ANKS1B: variants seen among roughly 807,000 people sequenced by gnomAD.
ANKS1B encodes the protein ankyrin repeat and sterile alpha motif domain containing 1B.
A neutral mutation model predicts 148.3 loss-of-function variants in ANKS1B; 36 were observed. The observed-to-expected ratio is 0.24, with a 90% confidence interval of 0.19 to 0.32. The LOEUF (loss-of-function observed/expected upper bound fraction) is 0.32. ANKS1B is among the 10% of genes least tolerant of loss of function. The pLI, the probability that ANKS1B is intolerant of heterozygous loss-of-function variation, is 1.00. For missense variants in ANKS1B, 1,157 were observed against 1,542.6 expected (o/e 0.75, Z 4.19); for synonymous variants, 542 against 560.8 (o/e 0.97, Z 0.47).
intron 17 of ANKS1B, among the ~76,000 whole-genome samples, chr12:98,884,689 C>T (rs1369152856): frequency 2.0e-5 from 3 of 151,262 alleles, no homozygotes; most frequent in Admixed American, 6.6e-5. Context: ...GTCCCAGCTA[C>T]TCGGGAGGCT....
At chr12:99,199,305 A>G (rs941015752) in intron 14 of ANKS1B, among the ~76,000 whole-genome samples, 23 of 152,228 alleles carry the variant, frequency 1.5e-4, no homozygotes, top group African/African-American at 5.1e-4. Context: ...GATAACTAGT[A>G]TTCTGCCTAT....
At chr12:99,284,818 T>A (rs2078915750) in intron 12 of ANKS1B, among the ~76,000 whole-genome samples, 1 of 152,162 alleles carries the variant, frequency 6.6e-6, no homozygotes, top group Non-Finnish European at 1.5e-5. Flanking sequence ...ATCCGGCCCC[T>A]CCCTGCCCCT....
chr12:99,154,884 C>T (rs569595829), intron 14 of ANKS1B: 16 of 1,534,954 alleles, frequency 1.0e-5, no homozygotes, highest in Middle Eastern at 1.7e-4. Flanking sequence ...GGCTACACCT[C>T]GCATTTTCAA....
intron 12 of ANKS1B, among the ~76,000 whole-genome samples, chr12:99,387,511 G>A (rs892669258): frequency 3.9e-5 from 6 of 152,094 alleles, no homozygotes; most frequent in African/African-American, 1.4e-4. Flanking sequence ...AGCTACTCGG[G>A]AGGCTGAGGC....
chr12:99,559,523 T>C (rs1244322117), intron 9 of ANKS1B, among the ~76,000 whole-genome samples: 1 of 152,164 alleles, frequency 6.6e-6, no homozygotes, highest in African/African-American at 2.4e-5. Context: ...TCGTTCCAGT[T>C]GCATGGTGGG....
At chr12:99,231,919 G>A (rs895893014) in intron 14 of ANKS1B, among the ~76,000 whole-genome samples, 1 of 152,068 alleles carries the variant, frequency 6.6e-6, no homozygotes, top group Non-Finnish European at 1.5e-5. Context: ...GCAGACCCAG[G>A]GAAAGAGGAG....
chr12:99,069,456 A>G (rs767761459), intron 16 of ANKS1B, among the ~76,000 whole-genome samples: 43 of 152,218 alleles, frequency 2.8e-4, no homozygotes, highest in Non-Finnish European at 5.0e-4. Flanking sequence ...TGTAAATACA[A>G]TCCTTTGCCA....
At chr12:99,717,298 A>G (rs190753490) in intron 8 of ANKS1B, among the ~76,000 whole-genome samples, 138 of 152,340 alleles carry the variant, frequency 9.1e-4, no homozygotes, top group African/African-American at 3.2e-3. Flanking sequence ...GTGTACAATA[A>G]TAGGGTAGAG....
intron 9 of ANKS1B, chr12:99,648,713 A>G (rs754018696): frequency 3.1e-6 from 5 of 1,614,128 alleles, no homozygotes; most frequent in East Asian, 2.2e-5. Flanking sequence ...GTGGAGGCTT[A>G]CAGTGATACC....
intron 12 of ANKS1B, among the ~76,000 whole-genome samples, chr12:99,247,715 T>C (rs1159034254): frequency 6.6e-6 from 1 of 152,216 alleles, no homozygotes; most frequent in Non-Finnish European, 1.5e-5. Flanking sequence ...TTTTTGCGAC[T>C]TAATTTGTCT....
intron 9 of ANKS1B, chr12:99,649,344 C>T (rs139736567): frequency 1.4e-4 from 229 of 1,614,038 alleles, no homozygotes; most frequent in Non-Finnish European, 1.9e-4. Flanking sequence ...GTAGACTTCA[C>T]ATGAATGCTG....
chr12:99,373,948 C>A (rs1369019553), intron 12 of ANKS1B, among the ~76,000 whole-genome samples: 1 of 152,132 alleles, frequency 6.6e-6, no homozygotes, highest in African/African-American at 2.4e-5. Flanking sequence ...TGCATTGCTT[C>A]TTTCATTGAG....
rs79880604 is a variant in ANKS1B, at chr12:99,204,479, G to A, written c.2419+39863C>T. Among the ~76,000 whole-genome samples, 1,195 of 152,302 alleles carry A rather than the reference G, an allele frequency of 7.8e-3. 19 individuals carry two copies. The highest frequency in any genetic ancestry group is 0.028 in the African/African-American group (1,145 of 41,552). ...AGTTATTTTGAGGTGAGTGAAATCC[G>A]ATCTCCATCCTAAAACCACACTGTG... On this transcript the variant is annotated intron_variant, in intron 14 of 26. Transcript: ENST00000683438.
chr12:99,318,447 T>G (rs1004820559), intron 12 of ANKS1B, among the ~76,000 whole-genome samples: 1 of 152,226 alleles, frequency 6.6e-6, no homozygotes, highest in African/African-American at 2.4e-5. Context: ...TCTAGTTTAT[T>G]TGTGTAGAGG....
chr12:98,840,714 C>G (rs1451384072), intron 17 of ANKS1B, among the ~76,000 whole-genome samples: 1 of 152,144 alleles, frequency 6.6e-6, no homozygotes, highest in Non-Finnish European at 1.5e-5. Context: ...GATGAAGGTA[C>G]TAATTTTCTG....
intron 15 of ANKS1B, among the ~76,000 whole-genome samples, chr12:99,137,083 G>C (rs1186004121): frequency 6.6e-6 from 1 of 152,122 alleles, no homozygotes; most frequent in Non-Finnish European, 1.5e-5. Context: ...TCATTGTCTT[G>C]GTTGTGCGGT....
At chr12:98,835,539 T>A (rs2099358000) in intron 17 of ANKS1B, among the ~76,000 whole-genome samples, 1 of 152,206 alleles carries the variant, frequency 6.6e-6, no homozygotes, top group Non-Finnish European at 1.5e-5. Context: ...AAGTAACTTA[T>A]CCTAGTAGGA....
intron 24 of ANKS1B, among the ~76,000 whole-genome samples, chr12:98,777,724 T>C (rs555115365): frequency 3.3e-4 from 51 of 152,362 alleles, no homozygotes; most frequent in African/African-American, 9.6e-5. Flanking sequence ...ATTTCCTAAG[T>C]TGCTAGGCAA....
chr12:98,877,360 C>T (rs766514439), intron 17 of ANKS1B, among the ~76,000 whole-genome samples: 3 of 152,158 alleles, frequency 2.0e-5, no homozygotes, highest in Non-Finnish European at 4.4e-5. Flanking sequence ...TCTTCCATTA[C>T]CACAAATAAT....
Sources: gnomAD v4.1 joint callset for allele counts (sites outside exome capture counted in the v4.1 genomes callset) on GRCh38, gnomAD v4.1.1 for gene constraint, MANE v1.5 for transcripts, NCBI Gene and HGNC (gene_info 2026-07-23, HGNC 2026-07-21) for gene names.